The following ADPRHL1 variants were observed in gnomAD, a reference collection of about 807,000 sequenced individuals.
The protein encoded by ADPRHL1 is ADP-ribosylhydrolase like 1.
In ADPRHL1, 43 loss-of-function variants were observed where a neutral mutation model predicts 44.1. That is an observed-to-expected ratio of 0.98 (90% CI 0.76 to 1.26). ADPRHL1 has a LOEUF of 1.26. Among genes scored for constraint, ADPRHL1 ranks in the 50% most tolerant of loss-of-function variants. The probability of loss-of-function intolerance (pLI) is 0.00; values close to 1 mark genes in which losing one functional copy is unlikely to be tolerated. For missense variants in ADPRHL1, 2,022 were observed against 2,496.9 expected (o/e 0.81, Z 4.05); for synonymous variants, 878 against 1,017.4 (o/e 0.86, Z 2.61).
At chr13:113,428,886 C>T (rs2043986066) in intron 4 of ADPRHL1, 66 bp downstream of exon 4, 3 of 1,596,582 alleles carry the variant, frequency 1.9e-6, no homozygotes, top group South Asian at 2.2e-5. Context: ...ATTTGGGGGC[C>T]CATGGAGGGG....
In ADPRHL1 at chr13:113,404,473, C is replaced by G; in HGVS notation, c.4809G>C (p.Glu1603Asp). The G allele has an allele frequency of 7.7e-7, 1 of 1,306,132 alleles. No homozygotes were observed. Among genetic ancestry groups the G allele is most frequent in the Non-Finnish European group, 9.7e-7 (1 of 1,034,478 alleles). The allele number at this position is 1,306,132 out of a possible 1,614,324, so 80.9% of individuals were successfully genotyped here. A position where few individuals can be genotyped will look rare whatever the true frequency, so the allele number is the denominator to read the frequency against. ...QGQAQKQVQG[E>D]VQKWAQEEAQ... ...CCTCTTCCTGGGCCCATTTCTGAACCTCTCCTTGAACCTGTTTCTGGGCCT... is the reference window on the plus strand; with the variant it reads ...CCTCTTCCTGGGCCCATTTCTGAACGTCTCCTTGAACCTGTTTCTGGGCCT... Residue 1603 changes from glutamate to aspartate, a missense_variant, in exon 8 of 8, where the codon GAG becomes GAC. This residue lies in a region of ADPRHL1 where 78 missense variants were observed against 76.5 expected (regional missense o/e 1.02). Transcript: ENST00000612156.
At chr13:113,420,033 G>C (rs1018228093) in intron 7 of ADPRHL1, among the ~76,000 whole-genome samples, 1 of 151,514 alleles carries the variant, frequency 6.6e-6, no homozygotes, top group Non-Finnish European at 1.5e-5. Context: ...AGGCTTAGGC[G>C]ACCGTGACCG....
chr13:113,451,066 A>T (rs556055652), intron 1 of ADPRHL1, among the ~76,000 whole-genome samples: 4 of 151,950 alleles, frequency 2.6e-5, no homozygotes, highest in African/African-American at 9.7e-5. Context: ...CTGGCGTCAC[A>T]GCTAGACCAA....
At chr13:113,426,692 G>A (rs922211709) in intron 4 of ADPRHL1, among the ~76,000 whole-genome samples, 2 of 152,218 alleles carry the variant, frequency 1.3e-5, no homozygotes, top group Admixed American at 6.5e-5. Context: ...AGTGAAAGAC[G>A]CAAAAGTAAG....
At chr13:113,408,735 T>G (rs1212439526) in intron 7 of ADPRHL1, among the ~76,000 whole-genome samples, 3 of 151,836 alleles carry the variant, frequency 2.0e-5, no homozygotes, top group Admixed American at 2.0e-4. Context: ...GACTGAAGAT[T>G]CAGCAAACCG....
chr13:113,414,778 C>G (rs1014825663), intron 7 of ADPRHL1, among the ~76,000 whole-genome samples: 24 of 151,872 alleles, frequency 1.6e-4, no homozygotes, highest in Non-Finnish European at 2.9e-4. Context: ...CGGGTTCAAG[C>G]CATTCTCCTG....
chr13:113,413,346 C>T (rs530525044), intron 7 of ADPRHL1, among the ~76,000 whole-genome samples: 24 of 152,118 alleles, frequency 1.6e-4, no homozygotes, highest in Admixed American at 1.2e-3. Context: ...GGCTCAGATG[C>T]CCCCACCTCA....
At position 113,406,627 on chromosome 13, in the gene ADPRHL1, T is replaced by C. The variant is rs1160917449; in HGVS notation, c.2655A>G (p.Glu885=). 2.4e-6 allele frequency: 3 copies of C among 1,231,702 alleles called. No individual in the cohort carries two copies. Among genetic ancestry groups the C allele is most frequent in the Non-Finnish European group, 3.0e-6 (3 of 987,956 alleles). 76.3% of individuals were successfully genotyped at this position (1,231,702 alleles called of 1,614,324 possible). ...TTCTGTTCTCAGTCACGGTGGGAAA[T>C]TCTGTGTGGGCATTTTCAACCACAT... ...GENVVENAHT[E]FPTVTENRRG... is the part of the protein sequence containing the mutation. Residue 885 remains glutamate (E), a synonymous_variant, in exon 8 of 8, where the codon GAA becomes GAG. Coordinates refer to ENST00000612156, the MANE Select transcript of ADPRHL1 (RefSeq NM_001394807.1).
At position 113,424,253 on chromosome 13, in the gene ADPRHL1, A is replaced by G. The variant is rs2043946942; in HGVS notation, c.871T>C (p.Trp291Arg). Reference sequence around the variant, plus strand: ...ATGGCCCGGTGACACAGCTCAGTCCAGCTGTTTCCTGCTGCAAGGAGGGCG... The same window carrying G: ...ATGGCCCGGTGACACAGCTCAGTCCGGCTGTTTCCTGCTGCAAGGAGGGCG... ...YDALLAAGNS[W>R]TELCHRAMFH... Residue 291 changes from tryptophan (W) to arginine (R), a missense_variant, in exon 6 of 8, where the codon TGG (tryptophan) becomes CGG (arginine). Physicochemically the swap from Trp to Arg is moderately radical, Grantham distance 101. Coordinates refer to ENST00000612156, the MANE Select transcript of ADPRHL1 (RefSeq NM_001394807.1). The G allele has an allele frequency of 6.2e-7, 1 of 1,612,914 alleles. No individual in the cohort carries two copies. Among genetic ancestry groups the G allele is most frequent in the Non-Finnish European group, 8.5e-7 (1 of 1,179,896 alleles).
intron 1 of ADPRHL1, 89 bp from the exon 2 acceptor site, chr13:113,444,678 GAAGAA>G: frequency 6.8e-7 from 1 of 1,473,584 alleles, no homozygotes; most frequent in Non-Finnish European, 9.2e-7. Context: ...ATAGTCTGGG[GAAGAA>G]AGGGAGGGCA....
intron 2 of ADPRHL1, among the ~76,000 whole-genome samples, chr13:113,436,415 GGGTGAACAT>G (rs1251463449): frequency 1.8e-4 from 2 of 11,038 alleles, no homozygotes; most frequent in Non-Finnish European, 2.2e-4. Flanking sequence ...CCCAGGTGTA[GGGTGAACAT>G]AGGTGTACCC....
At position 113,444,562 on chromosome 13, in the gene ADPRHL1, CG is replaced by C; in HGVS notation, c.241del (p.Arg81GlyfsTer4). The C allele has an allele frequency of 6.2e-7, 1 of 1,614,144 alleles. No individual in the cohort carries two copies. Among genetic ancestry groups the C allele is most frequent in the Non-Finnish European group, 8.5e-7 (1 of 1,180,008 alleles). On this transcript the variant is annotated frameshift_variant, in exon 2 of 8. Transcript: ENST00000612156. LOFTEE classifies it high-confidence loss of function. Reference protein sequence around the residue: ...TDYWCLDDLYREMVRCYVEIV... With the variant: ...TDYWCLDDLYXEMVRCYVEIV... Reference sequence around the variant, plus strand: ...TTCCACATAGCATCTCACCATCTCCCGGTACAGATCATCCAGGCACCAGTAG... The same window carrying C: ...TTCCACATAGCATCTCACCATCTCCCGTACAGATCATCCAGGCACCAGTAG...
At chr13:113,428,262 A>AAG (rs1323460247) in intron 4 of ADPRHL1, among the ~76,000 whole-genome samples, 1 of 150,782 alleles carries the variant, frequency 6.6e-6, no homozygotes, top group Admixed American at 6.6e-5. Flanking sequence ...AAAAAAAATC[A>AAG]AGAAGACTTC....
At chr13:113,427,914 A>G (rs2043978643) in intron 4 of ADPRHL1, among the ~76,000 whole-genome samples, 2 of 152,038 alleles carry the variant, frequency 1.3e-5, no homozygotes, top group African/African-American at 4.8e-5. Flanking sequence ...AAGGCGTTTC[A>G]GAACACGTGC....
At position 113,433,699 on chromosome 13, in the gene ADPRHL1, G is replaced by A. The variant is rs368212415; in HGVS notation, c.505+43C>T. 1.1e-4 allele frequency: 176 copies of A among 1,542,170 alleles called. 7 individuals are homozygous for A. The South Asian group carries it at 1.3e-3, about 12-fold the overall frequency. On this transcript the variant is annotated intron_variant, in intron 3 of 7. Transcript: ENST00000612156. ...TGAGGTGGTTGTGGGTCATCCGGCC[G>A]CACTCCACGCTGACCTCCCTCCCAC...
At chr13:113,433,178 C>A (rs1441042401) in intron 3 of ADPRHL1, among the ~76,000 whole-genome samples, 2 of 152,202 alleles carry the variant, frequency 1.3e-5, no homozygotes, top group African/African-American at 2.4e-5. Context: ...AGGTTAGAAA[C>A]CTGTGGCCCG....
intron 1 of ADPRHL1, chr13:113,449,126 G>C (rs1482815466): frequency 1.0e-6 from 1 of 996,674 alleles, no homozygotes; most frequent in Admixed American, 6.2e-5. Context: ...TCCTGGTTCA[G>C]AGTCTGCTCT....
At chr13:113,410,874 C>G (rs1457569898) in intron 7 of ADPRHL1, among the ~76,000 whole-genome samples, 1 of 152,254 alleles carries the variant, frequency 6.6e-6, no homozygotes, top group Non-Finnish European at 1.5e-5. Context: ...CGCCGGGCGT[C>G]TCTGGACACG....
chr13:113,412,132 G>GTGC (rs563868092), intron 7 of ADPRHL1, among the ~76,000 whole-genome samples: 131 of 152,296 alleles, frequency 8.6e-4, no homozygotes, highest in African/African-American at 2.9e-3. Context: ...AGCTCAGCGT[G>GTGC]TGCTGCTGCT....
Sources: gnomAD v4.1 joint callset for allele counts (sites outside exome capture counted in the v4.1 genomes callset) on GRCh38, gnomAD v4.1.1 for gene constraint, gnomAD v4.1.1 regional missense constraint, MANE v1.5 for transcripts, NCBI Gene and HGNC (gene_info 2026-07-23, HGNC 2026-07-21) for gene names.